The following CHRNA2 variants were observed in gnomAD, a reference collection of about 807,000 sequenced individuals.
CHRNA2 encodes the protein neuronal acetylcholine receptor subunit alpha-2.
A neutral mutation model predicts 45.5 loss-of-function variants in CHRNA2; 40 were observed. The ratio of observed to expected loss-of-function variants is 0.88; its 90% CI spans 0.68 to 1.15. The LOEUF (loss-of-function observed/expected upper bound fraction) is 1.15, where lower values mean the gene tolerates loss of function less well. CHRNA2 is among the 50% of genes most tolerant of loss of function. The pLI, the probability that CHRNA2 is intolerant of heterozygous loss-of-function variation, is 0.00. For synonymous variants in CHRNA2, 301 were observed against 296.7 expected (o/e 1.01, Z -0.15); for missense variants, 655 against 701.7 (o/e 0.93, Z 0.75).
Position 27,463,249 on chromosome 8 carries a change from G to T in CHRNA2, c.1194C>A (p.Ser398Arg). ...ELCHPLRLKL[S>R]PSYHWLESNV... is the part of the protein sequence containing the mutation. Reference sequence around the variant, plus strand: ...TGCTCTCCAGCCAGTGATAAGAGGGGCTGAGCTTCAGGCGTAGGGGGTGGC... The same window carrying T: ...TGCTCTCCAGCCAGTGATAAGAGGGTCTGAGCTTCAGGCGTAGGGGGTGGC... The change falls in exon 6 of 7, where the codon AGC becomes AGA. Residue 398 changes from serine to arginine, a missense_variant. This residue lies in a region of CHRNA2 where 295 missense variants were observed against 280.4 expected (regional missense o/e 1.05). Coordinates refer to ENST00000407991, the MANE Select transcript of CHRNA2 (RefSeq NM_000742.4). This position sits in a 1 kb window ranked among gnomAD's most constrained non-coding sequence, Gnocchi z 6.1. 1.9e-6 allele frequency: 3 copies of T among 1,598,560 alleles called. No individual in the cohort carries two copies. The highest frequency in any genetic ancestry group is 2.6e-6 in the Non-Finnish European group (3 of 1,170,096).
rs1428983331 is a variant in CHRNA2 at position 27,461,459 on chromosome 8, T to G, written c.*170A>C. The G allele has an allele frequency of 4.3e-6, 4 of 932,308 alleles. No homozygotes were observed. The East Asian group carries it at 1.0e-4, about 24-fold the overall frequency. 57.8% of individuals were successfully genotyped at this position (932,308 alleles called of 1,614,324 possible). ...TTTGCACCCAGCAGGCTGTCAGCCC[T>G]GGTACAATAACGTTAAGCTGGATGG... is the stretch of plus-strand genomic sequence containing the variant. On this transcript the variant is annotated 3_prime_UTR_variant, in exon 7 of 7. Transcript: ENST00000407991.
At position 27,461,620 on chromosome 8, in the gene CHRNA2, GA is replaced by G. The variant is rs770505681; in HGVS notation, c.*8del. The G allele has an allele frequency of 2.6e-5, 42 of 1,614,098 alleles. No individual in the cohort carries two copies. The highest frequency in any genetic ancestry group is 3.5e-5 in the Non-Finnish European group (41 of 1,180,036). On this transcript the variant is annotated 3_prime_UTR_variant, in exon 7 of 7. Coordinates refer to ENST00000407991, the MANE Select transcript of CHRNA2 (RefSeq NM_000742.4). ...GGGTGCCCTGGGAGCCAGCTCGAGG[GA>G]GGTGCAGTCAGATCATTCCAGCTAG... is the stretch of plus-strand genomic sequence containing the variant.
At chr8:27,464,751 C>A (rs1812645127) in intron 5 of CHRNA2, among the ~76,000 whole-genome samples, 1 of 152,176 alleles carries the variant, frequency 6.6e-6, no homozygotes, top group Admixed American at 6.5e-5. Flanking sequence ...AACACCTTTG[C>A]GGGTGAAGAT....
intron 2 of CHRNA2, among the ~76,000 whole-genome samples, chr8:27,470,498 A>G (rs1032600944): frequency 6.6e-6 from 1 of 152,250 alleles, no homozygotes; most frequent in Non-Finnish European, 1.5e-5. Flanking sequence ...CTATCAGATA[A>G]ACAAAACTTT....
chr8:27,461,858 C>G lies in CHRNA2; in HGVS notation c.1465-104G>C, dbSNP rs186018525. On this transcript the variant is annotated intron_variant, in intron 6 of 6. Coordinates refer to ENST00000407991, the MANE Select transcript of CHRNA2 (RefSeq NM_000742.4). ...AGGCGGCCACTGGGGGCAGCAGCAA[C>G]TGCCCCACAGAGACCTTGGGGAGCA... 2.5e-4 allele frequency: 378 copies of G among 1,528,878 alleles called. 2 individuals carry two copies. In the African/African-American group the frequency reaches 4.2e-3, roughly 17 times the overall value. The allele number at this position is 1,528,878 out of a possible 1,614,324, so 94.7% of individuals were successfully genotyped here. A position where few individuals can be genotyped will look rare whatever the true frequency, so the allele number is the denominator to read the frequency against.
chr8:27,473,053 T>C (rs960264516), intron 1 of CHRNA2, among the ~76,000 whole-genome samples: 3 of 152,066 alleles, frequency 2.0e-5, no homozygotes, highest in Admixed American at 6.5e-5. Flanking sequence ...TATTATTTTA[T>C]AGAGTATTTG....
chr8:27,472,180 C>G (rs1173606077), intron 1 of CHRNA2, among the ~76,000 whole-genome samples: 1 of 152,200 alleles, frequency 6.6e-6, no homozygotes, highest in Non-Finnish European at 1.5e-5. Flanking sequence ...CTTACACTAT[C>G]TCTTATAAGC....
chr8:27,466,156 T>G (rs1202119222), intron 5 of CHRNA2, among the ~76,000 whole-genome samples: 1 of 151,936 alleles, frequency 6.6e-6, no homozygotes, highest in Non-Finnish European at 1.5e-5. Flanking sequence ...GAGCGGCCAG[T>G]GTAAGAACCC....
In CHRNA2 at chr8:27,476,123, T is replaced by C. The variant is rs187633328; in HGVS notation, c.-137+2701A>G. ...TATCTTTCCACTACCTCATTCATTT[T>C]GTTGTTGTTGTTGTTTCATGCTTGG... is the stretch of plus-strand genomic sequence containing the variant. On this transcript the variant is annotated intron_variant, in intron 1 of 6. Transcript: ENST00000407991. 8.5e-5 allele frequency among the ~76,000 whole-genome samples: 13 copies of C among 152,348 alleles called. No homozygotes were observed. The East Asian group carries it at 2.3e-3, about 27-fold the overall frequency.
rs1812461367 is a variant in CHRNA2, at chr8:27,460,970, A to C, written c.*659T>G. 1 of 153,150 alleles carries C rather than the reference A, an allele frequency of 6.5e-6. No individual in the cohort carries two copies. The highest frequency in any genetic ancestry group is 1.5e-5 in the Non-Finnish European group (1 of 68,802). The allele number at this position is 153,150 out of a possible 1,614,324, so 9.5% of individuals were successfully genotyped here. A position where few individuals can be genotyped will look rare whatever the true frequency, so the allele number is the denominator to read the frequency against. On this transcript the variant is annotated 3_prime_UTR_variant, in exon 7 of 7. Coordinates refer to ENST00000407991, the MANE Select transcript of CHRNA2 (RefSeq NM_000742.4). ...CATCCATCCCTCCCCGGTAGGGAAG[A>C]TCTGCCCTGTACCTCCACATCAGGT...
intron 5 of CHRNA2, among the ~76,000 whole-genome samples, chr8:27,466,407 T>G (rs559809145): frequency 6.6e-6 from 1 of 152,316 alleles, no homozygotes; most frequent in Admixed American, 6.5e-5. Flanking sequence ...TTTAAAATGC[T>G]ATTGTGCTCT....
intron 5 of CHRNA2, among the ~76,000 whole-genome samples, chr8:27,465,265 C>T (rs1812661664): frequency 6.6e-6 from 1 of 152,066 alleles, no homozygotes. Context: ...CTTTAACCAT[C>T]CTCCCTCCCC....
chr8:27,473,575 T>A (rs1232405245), intron 1 of CHRNA2, among the ~76,000 whole-genome samples: 2 of 135,266 alleles, frequency 1.5e-5, no homozygotes, highest in Non-Finnish European at 3.1e-5. Flanking sequence ...GGCATAGTGG[T>A]GCGTGCCTGT....
At chr8:27,477,816 A>G (rs916412562) in intron 1 of CHRNA2, among the ~76,000 whole-genome samples, 1 of 152,156 alleles carries the variant, frequency 6.6e-6, no homozygotes, top group Non-Finnish European at 1.5e-5. Flanking sequence ...TGGGGTACAC[A>G]GAGAAGCCTA....
At chr8:27,469,584 G>A in intron 3 of CHRNA2, 177 bp downstream of exon 3, 1 of 878,728 alleles carries the variant, frequency 1.1e-6, no homozygotes, top group Non-Finnish European at 1.8e-6. Flanking sequence ...TCCTAGGAGG[G>A]AGCTCCAGAG....
In CHRNA2 at chr8:27,477,772, T is replaced by A. The variant is rs1238933305; in HGVS notation, c.-137+1052A>T. Reference sequence around the variant, plus strand: ...ATTTGGGGAAGGGGAGAGAGTGGGATGAGGTCCCTAATTGTAAAGTGGGTC... The same window carrying A: ...ATTTGGGGAAGGGGAGAGAGTGGGAAGAGGTCCCTAATTGTAAAGTGGGTC... On this transcript the variant is annotated intron_variant, in intron 1 of 6. Transcript: ENST00000407991. Among the ~76,000 whole-genome samples, 3 of 151,900 alleles carry A rather than the reference T, an allele frequency of 2.0e-5. No individual in the cohort carries two copies. The East Asian group carries it at 5.8e-4, about 29-fold the overall frequency.
intron 1 of CHRNA2, among the ~76,000 whole-genome samples, chr8:27,476,562 CA>C: frequency 6.6e-6 from 1 of 152,334 alleles, no homozygotes; most frequent in South Asian, 2.1e-4. Flanking sequence ...TCTCCGCAAT[CA>C]TTCAAACACC....
In CHRNA2 at chr8:27,460,621, G is replaced by A. The variant is rs973253772; in HGVS notation, c.*1008C>T. 1.4e-4 allele frequency: 22 copies of A among 152,274 alleles called. No individual in the cohort carries two copies. Among genetic ancestry groups the A allele is most frequent in the African/African-American group, 4.6e-4 (19 of 41,436 alleles). The allele number at this position is 152,274 out of a possible 1,614,324, so 9.4% of individuals were successfully genotyped here. ...GCAAAGATCTTCAACTCCCAAGTGA[G>A]GCCTCCTCCTGATGGAGCCAGGCAC... On this transcript the variant is annotated 3_prime_UTR_variant, in exon 7 of 7. Transcript: ENST00000407991.
intron 1 of CHRNA2, among the ~76,000 whole-genome samples, chr8:27,472,443 G>A (rs1199679245): frequency 1.3e-5 from 2 of 152,230 alleles, no homozygotes; most frequent in Non-Finnish European, 2.9e-5. Context: ...CTCTGCTGCA[G>A]AATTGACAGC....
Sources: allele counts gnomAD v4.1 joint callset (sites outside exome capture counted in the v4.1 genomes callset), GRCh38; gene constraint gnomAD v4.1.1; regional missense constraint gnomAD v4.1.1; non-coding constraint Gnocchi (gnomAD v3.1); transcripts MANE v1.5; gene names NCBI Gene and HGNC (gene_info 2026-07-23, HGNC 2026-07-21).